The following ABLIM2 variants were observed in gnomAD, a reference collection of about 807,000 sequenced individuals.
ABLIM2 encodes actin binding LIM protein family member 2.
A neutral mutation model predicts 97.7 loss-of-function variants in ABLIM2; 53 were observed. The ratio of observed to expected loss-of-function variants is 0.54; its 90% confidence interval spans 0.44 to 0.68. ABLIM2 has a LOEUF of 0.68. ABLIM2 is among the 30% of genes least tolerant of loss of function. The pLI is 0.00. For synonymous variants in ABLIM2, 361 were observed against 345.8 expected (o/e 1.04, Z -0.49); for missense variants, 835 against 867.2 (o/e 0.96, Z 0.47).
chr4:7,975,782 T>C (rs1036220696), intron 20 of ABLIM2, among the ~76,000 whole-genome samples: 4 of 152,360 alleles, frequency 2.6e-5, no homozygotes, highest in African/African-American at 9.6e-5. Flanking sequence ...TAGTAACGGT[T>C]GCTTAAAGTT....
intron 1 of ABLIM2, among the ~76,000 whole-genome samples, chr4:8,145,045 C>T (rs942440504): frequency 6.6e-6 from 1 of 152,150 alleles, no homozygotes; most frequent in African/African-American, 2.4e-5. Flanking sequence ...GCGGGTCGTG[C>T]CTCCTGTCTT....
intron 1 of ABLIM2, among the ~76,000 whole-genome samples, chr4:8,121,192 A>G (rs1845257125): frequency 6.6e-6 from 1 of 152,194 alleles, no homozygotes; most frequent in African/African-American, 2.4e-5. Context: ...CTTTTGGAGA[A>G]CGGTGATGTG....
chr4:8,018,109 T>C (rs944907924), intron 14 of ABLIM2, among the ~76,000 whole-genome samples: 9 of 152,338 alleles, frequency 5.9e-5, no homozygotes, highest in African/African-American at 1.7e-4. Context: ...CTGGGTCTGT[T>C]GGATGACAAT....
intron 6 of ABLIM2, among the ~76,000 whole-genome samples, chr4:8,070,163 A>G (rs1810965577): frequency 6.8e-6 from 1 of 147,554 alleles, no homozygotes; most frequent in Non-Finnish European, 1.5e-5. Context: ...CTGTGTGTGT[A>G]TGTGTGTGGC....
chr4:8,104,277 G>A (rs746935346), intron 2 of ABLIM2, among the ~76,000 whole-genome samples: 18 of 152,214 alleles, frequency 1.2e-4, no homozygotes, highest in Non-Finnish European at 2.5e-4. Context: ...CCTTCCCCGC[G>A]TGTGCCGGAG....
chr4:8,034,401 G>A (rs1782890479), intron 10 of ABLIM2, among the ~76,000 whole-genome samples: 1 of 149,682 alleles, frequency 6.7e-6, no homozygotes, highest in African/African-American at 2.5e-5. Flanking sequence ...CAGGCAAGGT[G>A]CAGGTAGGTG....
At position 8,124,261 on chromosome 4, in the gene ABLIM2, CA is replaced by C. The variant is rs1158828099; in HGVS notation, c.11-17625del. ...TGCACACATCTGAAAATCATAACTT[CA>C]TTGAGATATAATTCACATAGCCGTA... On this transcript the variant is annotated intron_variant, in intron 1 of 20. Transcript: ENST00000447017. This position sits in a 1 kb window ranked among gnomAD's most constrained non-coding sequence, Gnocchi z 6.1. Among the ~76,000 whole-genome samples, 25 of 152,236 alleles carry C rather than the reference CA, an allele frequency of 1.6e-4. No homozygotes were observed. The highest frequency in any genetic ancestry group is 8.8e-5 in the Non-Finnish European group (6 of 68,052).
chr4:8,019,897 T>C lies in ABLIM2; in HGVS notation c.1370-226A>G, dbSNP rs1341849967. On this transcript the variant is annotated intron_variant, in intron 13 of 20. Coordinates refer to ENST00000447017, the MANE Select transcript of ABLIM2 (RefSeq NM_001130083.2). This position sits in a 1 kb window ranked among gnomAD's most constrained non-coding sequence, Gnocchi z 4.3. The stretch of plus-strand genomic sequence containing the variant: ...GGAGATGGGGCAGCAGCCAGGAACC[T>C]TGTGGTCCCCCGGGAAGTGTAGCCA... Among the ~76,000 whole-genome samples the C allele has an allele frequency of 6.6e-6, 1 of 152,132 alleles. No homozygotes were observed. The highest frequency in any genetic ancestry group is 1.5e-5 in the Non-Finnish European group (1 of 68,020).
chr4:8,136,004 C>G (rs530917608), intron 1 of ABLIM2, among the ~76,000 whole-genome samples: 8 of 152,226 alleles, frequency 5.3e-5, no homozygotes, highest in Non-Finnish European at 1.2e-4. Flanking sequence ...CAAGTGCTCA[C>G]CCACATTCAC....
intron 14 of ABLIM2, among the ~76,000 whole-genome samples, chr4:8,017,686 C>T (rs1578767359): frequency 6.6e-6 from 1 of 152,162 alleles, no homozygotes; most frequent in South Asian, 2.1e-4. Context: ...TCATATATAG[C>T]CAGATTTTTA....
intron 7 of ABLIM2, among the ~76,000 whole-genome samples, chr4:8,057,776 C>G (rs557346366): frequency 3.9e-5 from 6 of 152,314 alleles, no homozygotes; most frequent in Admixed American, 2.6e-4. Context: ...CCCAGGAGAC[C>G]GTGGGGGTCG....
chr4:7,993,877 T>C, intron 16 of ABLIM2: 3 of 494,928 alleles, frequency 6.1e-6, no homozygotes, highest in East Asian at 5.8e-5. Flanking sequence ...CCATCACTCA[T>C]GTCCCTGGCT....
intron 1 of ABLIM2, among the ~76,000 whole-genome samples, chr4:8,110,966 C>T (rs1009048256): frequency 2.6e-5 from 4 of 152,204 alleles, no homozygotes; most frequent in African/African-American, 9.6e-5. Context: ...CTGCAGCTGC[C>T]AAATTGTGAG....
chr4:7,973,337 C>T (rs1478540041), intron 20 of ABLIM2, among the ~76,000 whole-genome samples: 5 of 151,770 alleles, frequency 3.3e-5, no homozygotes, highest in African/African-American at 1.2e-4. Context: ...CCCGTCTCTA[C>T]TAAAAATACA....
rs184144431 is a variant in ABLIM2, at chr4:7,975,742, C to T, written c.1824+7522G>A. 1.3e-4 allele frequency among the ~76,000 whole-genome samples: 20 copies of T among 152,246 alleles called. No individual in the cohort carries two copies. In the South Asian group the frequency reaches 2.3e-3, roughly 17 times the overall value. On this transcript the variant is annotated intron_variant, in intron 20 of 20. Transcript: ENST00000447017. ...AACTAAATTCCCACTAGCTCCCTTA[C>T]GGATAACATCTCTGATGTGTGCGTC...
At chr4:8,037,175 A>T (rs1429400907) in intron 9 of ABLIM2, among the ~76,000 whole-genome samples, 1 of 151,932 alleles carries the variant, frequency 6.6e-6, no homozygotes, top group Non-Finnish European at 1.5e-5. Context: ...TGCTATTTTT[A>T]TTGTTTTTTA....
rs1012081882 is a variant in ABLIM2, at chr4:8,113,105, C to G, written c.11-6468G>C. ...TCCGTGATCTCTGGGAATCTTTTTT[C>G]TTCTCCTGAGGCAGGGTCTCGCTCT... is the stretch of plus-strand genomic sequence containing the variant. On this transcript the variant is annotated intron_variant, in intron 1 of 20. Coordinates refer to ENST00000447017, the MANE Select transcript of ABLIM2 (RefSeq NM_001130083.2). The surrounding 1 kb of genome is among the most constrained non-coding windows in gnomAD (Gnocchi z 4.5). 6.6e-6 allele frequency among the ~76,000 whole-genome samples: 1 copy of G among 152,106 alleles called. No homozygotes were observed. The highest frequency in any genetic ancestry group is 1.5e-5 in the Non-Finnish European group (1 of 68,006).
chr4:8,036,948 C>T (rs189074178), intron 9 of ABLIM2, among the ~76,000 whole-genome samples: 1 of 152,124 alleles, frequency 6.6e-6, no homozygotes, highest in Admixed American at 6.5e-5. Flanking sequence ...ATCCCCAAAT[C>T]CTCATATGCT....
intron 1 of ABLIM2, among the ~76,000 whole-genome samples, chr4:8,129,390 G>A (rs921469755): frequency 3.3e-5 from 5 of 152,200 alleles, no homozygotes; most frequent in East Asian, 1.9e-4. Flanking sequence ...CGGCCCCTGC[G>A]CGCCCGAAAC....
Sources: allele counts gnomAD v4.1 joint callset (sites outside exome capture counted in the v4.1 genomes callset), GRCh38; gene constraint gnomAD v4.1.1; non-coding constraint Gnocchi (gnomAD v3.1); transcripts MANE v1.5; gene names NCBI Gene and HGNC (gene_info 2026-07-23, HGNC 2026-07-21).